Variants in ATP8B4 observed in about 807,000 individuals in gnomAD.
The protein encoded by ATP8B4 is probable phospholipid-transporting ATPase IM.
Under a neutral mutation model 145.6 loss-of-function variants are expected in ATP8B4, and 133 were observed. That is an observed-to-expected ratio of 0.91 (90% CI 0.79 to 1.05). The LOEUF is 1.05. Among genes scored for constraint, ATP8B4 ranks in the 50% least tolerant of loss-of-function variants. The pLI is 0.00. For synonymous variants in ATP8B4, 507 were observed against 492.9 expected (o/e 1.03, Z -0.38); for missense variants, 1,458 against 1,425.2 (o/e 1.02, Z -0.37).
rs1272513285 is a variant in ATP8B4, at chr15:49,918,877, G to T, written c.1997C>A (p.Ala666Asp). 6.2e-7 allele frequency: 1 copy of T among 1,613,148 alleles called. No homozygotes were observed. Among genetic ancestry groups the T allele is most frequent in the Non-Finnish European group, 8.5e-7 (1 of 1,179,382 alleles). Residue 666 changes from alanine to aspartate, a missense_variant, in exon 19 of 28, where the codon GCC becomes GAC. Physicochemically the swap from Ala to Asp is moderately radical, Grantham distance 126 (BLOSUM62 -2). Transcript: ENST00000284509. ...VIETVTSLSL[A>D]NIKIWVLTGD... ...TGTTAGGACCCAGATCTTAATATTG[G>T]CTAGTGATAAACTTGTAACTGTTTC...
intron 3 of ATP8B4, among the ~76,000 whole-genome samples, chr15:50,053,715 T>TG (rs1486521840): frequency 3.8e-4 from 57 of 151,064 alleles, no homozygotes; most frequent in African/African-American, 1.3e-3. Context: ...TACTACTTGG[T>TG]GGGGGGGTGG....
At chr15:49,864,044 T>TA (rs1189234408) in intron 26 of ATP8B4, among the ~76,000 whole-genome samples, 1 of 152,154 alleles carries the variant, frequency 6.6e-6, no homozygotes, top group East Asian at 1.9e-4. Flanking sequence ...CAAACGATCT[T>TA]AAAAAAATAA....
chr15:49,871,714 C>T (rs757992555), intron 25 of ATP8B4, among the ~76,000 whole-genome samples: 10 of 152,162 alleles, frequency 6.6e-5, no homozygotes, highest in Non-Finnish European at 1.2e-4. Context: ...CTGTGGTTTC[C>T]GTTAGGAATG....
intron 8 of ATP8B4, among the ~76,000 whole-genome samples, chr15:50,001,498 C>T (rs532680814): frequency 1.3e-5 from 2 of 152,308 alleles, no homozygotes; most frequent in Non-Finnish European, 2.9e-5. Context: ...ATTACCTAGG[C>T]TCTCTAAGCC....
chr15:49,884,749 C>A (rs1479586515), intron 23 of ATP8B4, among the ~76,000 whole-genome samples: 1 of 152,036 alleles, frequency 6.6e-6, no homozygotes, highest in Admixed American at 6.5e-5. Flanking sequence ...TATAACAGTC[C>A]ATAGCCTGTT....
intron 10 of ATP8B4, 56 bp downstream of exon 10, chr15:49,987,335 T>A: frequency 6.4e-7 from 1 of 1,564,940 alleles, no homozygotes. Context: ...TAGACTGTGC[T>A]GGTGTACGTT....
chr15:49,876,829 T>C (rs1460079080), intron 24 of ATP8B4: 3 of 471,870 alleles, frequency 6.4e-6, no homozygotes, highest in Non-Finnish European at 1.2e-5. Context: ...TTGAAGTTTC[T>C]TTCCTACACT....
At chr15:50,010,710 A>G in intron 7 of ATP8B4, 135 bp downstream of exon 7, 1 of 513,876 alleles carries the variant, frequency 1.9e-6, no homozygotes, top group Non-Finnish European at 3.2e-6. Flanking sequence ...TTTATAATTG[A>G]GACTTTTTAC....
At chr15:50,103,334 C>A (rs912336463) in intron 2 of ATP8B4, among the ~76,000 whole-genome samples, 2 of 152,068 alleles carry the variant, frequency 1.3e-5, no homozygotes, top group African/African-American at 4.8e-5. Context: ...TGATCACACA[C>A]CTAGAAAACC....
intron 20 of ATP8B4, 79 bp from the exon 21 acceptor site, chr15:49,901,318 G>C (rs2038006319): frequency 5.6e-6 from 8 of 1,433,392 alleles, no homozygotes; most frequent in Non-Finnish European, 6.6e-6. Flanking sequence ...AACTTGCCTA[G>C]AGGTAAATTT....
At chr15:50,090,333 C>T (rs985920432) in intron 2 of ATP8B4, among the ~76,000 whole-genome samples, 1 of 152,108 alleles carries the variant, frequency 6.6e-6, no homozygotes, top group Non-Finnish European at 1.5e-5. Context: ...AACAAACCTG[C>T]ACATCCTGCA....
intron 1 of ATP8B4, among the ~76,000 whole-genome samples, chr15:50,124,657 G>A (rs1039585794): frequency 6.6e-6 from 1 of 152,086 alleles, no homozygotes. Context: ...GTCACCTCTG[G>A]GAACCAGCTC....
chr15:49,989,955 T>C (rs961882749), intron 9 of ATP8B4, among the ~76,000 whole-genome samples: 3 of 152,126 alleles, frequency 2.0e-5, no homozygotes, highest in African/African-American at 4.8e-5. Context: ...AAGAGATGGA[T>C]AGAAAAAATT....
chr15:50,058,143 C>T lies in ATP8B4; in HGVS notation c.88-10679G>A, dbSNP rs529697584. ...GGCATCCCTAATGATCTGTTTGCCT[C>T]CTATCTCTGCTGGCTAGAGCTCATC... On this transcript the variant is annotated intron_variant, in intron 3 of 27. Transcript: ENST00000284509. 1.4e-4 allele frequency among the ~76,000 whole-genome samples: 22 copies of T among 152,316 alleles called. No homozygotes were observed. In the South Asian group the frequency reaches 4.6e-3, roughly 32 times the overall value.
intron 1 of ATP8B4, among the ~76,000 whole-genome samples, chr15:50,176,117 G>A (rs1402622046): frequency 6.7e-6 from 1 of 149,766 alleles, no homozygotes; most frequent in African/African-American, 2.5e-5. Flanking sequence ...TATATATACT[G>A]CACAGCATAT....
At chr15:50,114,609 C>T (rs2057108211) in intron 1 of ATP8B4, 1 of 152,354 alleles carries the variant, frequency 6.6e-6, no homozygotes. Flanking sequence ...CGTTAGGCCG[C>T]CCAAGTTTGC....
At chr15:50,029,065 T>C (rs1053434563) in intron 6 of ATP8B4, among the ~76,000 whole-genome samples, 5 of 151,316 alleles carry the variant, frequency 3.3e-5, no homozygotes, top group Non-Finnish European at 5.9e-5. Flanking sequence ...AAACCCCGTA[T>C]CTACTAAAAT....
chr15:50,146,757 A>G (rs74446953), intron 1 of ATP8B4, among the ~76,000 whole-genome samples: 22,260 of 152,222 alleles, frequency 0.15, 2,091 homozygotes, highest in Non-Finnish European at 0.21. Context: ...GTAAAAGGGA[A>G]AAAAGGGGAA....
chr15:50,174,095 T>C (rs1032621025), intron 1 of ATP8B4, among the ~76,000 whole-genome samples: 1 of 152,082 alleles, frequency 6.6e-6, no homozygotes, highest in Non-Finnish European at 1.5e-5. Context: ...ATCCAGCATC[T>C]CTTTATGATT....
Sources: gnomAD v4.1 joint callset for allele counts (sites outside exome capture counted in the v4.1 genomes callset) on GRCh38, gnomAD v4.1.1 for gene constraint, MANE v1.5 for transcripts, NCBI Gene and HGNC (gene_info 2026-07-23, HGNC 2026-07-21) for gene names.